The following PIAS2 variants were observed in gnomAD, a reference collection of about 807,000 sequenced individuals.
PIAS2 encodes E3 SUMO-protein ligase PIAS2.
PIAS2 carries 19 observed loss-of-function variants against 69.7 expected under a neutral mutation model. The observed-to-expected ratio is 0.27, with a 90% CI of 0.19 to 0.40. The LOEUF (loss-of-function observed/expected upper bound fraction) is 0.40, where lower values mean the gene tolerates loss of function less well. Among genes scored for constraint, PIAS2 ranks in the 10% least tolerant of loss-of-function variants. The pLI is 1.00. For synonymous variants in PIAS2, 261 were observed against 263.2 expected, an observed-to-expected ratio of 0.99 and a Z score of 0.08; for missense variants, 624 against 757.0, an observed-to-expected ratio of 0.82 and a Z score of 2.06.
chr18:46,825,165 C>T (rs1385436036), intron 11 of PIAS2, among the ~76,000 whole-genome samples: 1 of 151,994 alleles, frequency 6.6e-6, no homozygotes, highest in African/African-American at 2.4e-5. Context: ...ACCATAAAAA[C>T]TCTAGATGCT....
At position 46,843,458 on chromosome 18, in the gene PIAS2, A is replaced by C. The variant is rs138022745; in HGVS notation, c.1041+596T>G. Among the ~76,000 whole-genome samples, 169 of 152,304 alleles carry C rather than the reference A, an allele frequency of 1.1e-3. 2 individuals are homozygous for C. The highest frequency in any genetic ancestry group is 4.0e-3 in the African/African-American group (165 of 41,568). On this transcript the variant is annotated intron_variant, in intron 8 of 13. Transcript: ENST00000585916. ...AGTAAAACAGCCTAACTGTAAGTGA[A>C]GTCTGCACCATTTTTATGGGAGTTG...
At chr18:46,850,960 C>T (rs2046878066) in intron 5 of PIAS2, among the ~76,000 whole-genome samples, 1 of 152,132 alleles carries the variant, frequency 6.6e-6, no homozygotes, top group African/African-American at 2.4e-5. Flanking sequence ...TTATTATAAG[C>T]ACACTTACAT....
chr18:46,830,436 G>A (rs527919993), intron 9 of PIAS2, among the ~76,000 whole-genome samples: 1 of 151,772 alleles, frequency 6.6e-6, no homozygotes, highest in African/African-American at 2.4e-5. Flanking sequence ...TAAACTGAAT[G>A]AAAATAAAAA....
At chr18:46,848,126 CAT>C (rs1455680022) in intron 5 of PIAS2, among the ~76,000 whole-genome samples, 3 of 152,198 alleles carry the variant, frequency 2.0e-5, no homozygotes, top group Admixed American at 6.5e-5. Flanking sequence ...CATTTTTCCA[CAT>C]GACACTCTCC....
chr18:46,867,683 T>A (rs1379988258), intron 2 of PIAS2, among the ~76,000 whole-genome samples: 5 of 152,228 alleles, frequency 3.3e-5, no homozygotes. Flanking sequence ...CTTCATAATG[T>A]AGATTCTATT....
intron 2 of PIAS2, among the ~76,000 whole-genome samples, chr18:46,885,728 T>G (rs939469291): frequency 6.6e-6 from 1 of 152,120 alleles, no homozygotes; most frequent in Admixed American, 6.6e-5. Flanking sequence ...AAAACATTGT[T>G]TTTAGTTCAA....
rs2045930931 is a variant in PIAS2, at chr18:46,844,741, T to A, written c.960A>T (p.Arg320Ser). 1 of 1,344,762 alleles carries A rather than the reference T, an allele frequency of 7.4e-7. No homozygotes were observed. The highest frequency in any genetic ancestry group is 1.5e-5 in the African/African-American group (1 of 65,690). 83.3% of individuals were successfully genotyped at this position (1,344,762 alleles called of 1,614,324 possible). A position where few individuals can be genotyped will look rare whatever the true frequency, so the allele number is the denominator to read the frequency against. Reference protein sequence around the residue: ...MKGIRNPDHSRALIKEKLTAD... With the variant: ...MKGIRNPDHSSALIKEKLTAD... Reference sequence around the variant, plus strand: ...TTATTAAACATTACTTACTTAGTGCTCTGGAATGATCAGGGTTTCTAATAC... The same window carrying A: ...TTATTAAACATTACTTACTTAGTGCACTGGAATGATCAGGGTTTCTAATAC... The change falls in exon 7 of 14, where the codon AGA becomes AGT. Residue 320 changes from arginine to serine, a missense_variant. Transcript: ENST00000585916.
chr18:46,841,865 T>C (rs920147412), intron 8 of PIAS2, among the ~76,000 whole-genome samples: 8 of 152,182 alleles, frequency 5.3e-5, no homozygotes, highest in African/African-American at 1.9e-4. Flanking sequence ...ATTGGTAATG[T>C]TTGGAAGGAA....
chr18:46,836,231 C>G (rs2044407491), intron 9 of PIAS2, 126 bp downstream of exon 9: 2 of 731,488 alleles, frequency 2.7e-6, no homozygotes, highest in Non-Finnish European at 4.6e-6. Context: ...GGAAAACATA[C>G]AAACATCTGG....
intron 2 of PIAS2, among the ~76,000 whole-genome samples, chr18:46,873,684 G>GC (rs2050717376): frequency 6.6e-6 from 1 of 152,106 alleles, no homozygotes; most frequent in South Asian, 2.1e-4. Context: ...AATAGCAAAG[G>GC]CCAAGACCTT....
chr18:46,875,387 G>T lies in PIAS2; in HGVS notation c.500-11139C>A, dbSNP rs116799177. Among the ~76,000 whole-genome samples, 945 of 152,252 alleles carry T rather than the reference G, an allele frequency of 6.2e-3. 7 individuals are homozygous for T. The highest frequency in any genetic ancestry group is 0.021 in the African/African-American group (888 of 41,542). The stretch of plus-strand genomic sequence containing the variant: ...TTACGTGGTCCCACCCCATCAAATT[G>T]TAAGTCACTGCAATGTAACCCCTTA... On this transcript the variant is annotated intron_variant, in intron 2 of 13. Coordinates refer to ENST00000585916, the MANE Select transcript of PIAS2 (RefSeq NM_004671.5).
rs1347921833 is a variant in PIAS2 at position 46,917,379 on chromosome 18, G to A, written c.-34C>T. The stretch of plus-strand genomic sequence containing the variant: ...ACCCGCGGGCGCCGCCGCCGCTGCC[G>A]CCGCACCCACTCCCGCTGCCGCCAA... On this transcript the variant is annotated 5_prime_UTR_variant, in exon 1 of 14. Transcript: ENST00000585916. 9 of 1,450,150 alleles carry A rather than the reference G, an allele frequency of 6.2e-6. No individual in the cohort carries two copies. Among genetic ancestry groups the A allele is most frequent in the African/African-American group, 1.5e-5 (1 of 67,008 alleles). 89.8% of individuals were successfully genotyped at this position (1,450,150 alleles called of 1,614,324 possible). A position where few individuals can be genotyped will look rare whatever the true frequency, so the allele number is the denominator to read the frequency against.
chr18:46,898,643 T>C (rs2055281773), intron 1 of PIAS2, among the ~76,000 whole-genome samples: 1 of 151,968 alleles, frequency 6.6e-6, no homozygotes, highest in Admixed American at 6.6e-5. Flanking sequence ...AAACATAAAA[T>C]GCAAAAGAAT....
At chr18:46,828,160 A>T in intron 10 of PIAS2, 30 bp from the exon 11 acceptor site, 3 of 1,570,480 alleles carry the variant, frequency 1.9e-6, no homozygotes, top group Non-Finnish European at 1.7e-6. Flanking sequence ...AGGAAAAAAA[A>T]ATTAAAGGTA....
At chr18:46,872,529 T>C (rs748664321) in intron 2 of PIAS2, among the ~76,000 whole-genome samples, 2 of 152,226 alleles carry the variant, frequency 1.3e-5, no homozygotes, top group Admixed American at 6.5e-5. Flanking sequence ...GACCTGCTTA[T>C]ATCTGGTGAA....
In PIAS2 at chr18:46,804,152, G is replaced by A. The variant is rs983382935; in HGVS notation, c.*8281C>T. 4 of 152,058 alleles carry A rather than the reference G, an allele frequency of 2.6e-5. No individual in the cohort carries two copies. The highest frequency in any genetic ancestry group is 9.7e-5 in the African/African-American group (4 of 41,356). The allele number at this position is 152,058 out of a possible 1,614,324, so 9.4% of individuals were successfully genotyped here. ...ATATTTACTGGGCACCTTCTATGTAGCCCATATCATGTTAGGCTCTGGGAT... is the reference window on the plus strand; with the variant it reads ...ATATTTACTGGGCACCTTCTATGTAACCCATATCATGTTAGGCTCTGGGAT... On this transcript the variant is annotated 3_prime_UTR_variant, in exon 14 of 14. Coordinates refer to ENST00000585916, the MANE Select transcript of PIAS2 (RefSeq NM_004671.5).
At chr18:46,858,813 C>T (rs1257577255) in intron 3 of PIAS2, among the ~76,000 whole-genome samples, 2 of 152,002 alleles carry the variant, frequency 1.3e-5, no homozygotes, top group Non-Finnish European at 2.9e-5. Flanking sequence ...TGTGAGAAGG[C>T]AGGATAAGGG....
chr18:46,808,700 T>C lies in PIAS2; in HGVS notation c.*3733A>G, dbSNP rs2144673015. 6.6e-6 allele frequency: 1 copy of C among 152,076 alleles called. No individual in the cohort carries two copies. The highest frequency in any genetic ancestry group is 1.5e-5 in the Non-Finnish European group (1 of 68,016). 9.4% of individuals were successfully genotyped at this position (152,076 alleles called of 1,614,324 possible). A position where few individuals can be genotyped will look rare whatever the true frequency, so the allele number is the denominator to read the frequency against. On this transcript the variant is annotated 3_prime_UTR_variant, in exon 14 of 14. Coordinates refer to ENST00000585916, the MANE Select transcript of PIAS2 (RefSeq NM_004671.5). ...TGCACTGCTCTACATTTTTCTATTA[T>C]GCAAAGAGCTAGAAAATAATGGTAG...
intron 11 of PIAS2, among the ~76,000 whole-genome samples, chr18:46,826,050 G>T (rs1349029317): frequency 6.6e-6 from 1 of 152,110 alleles, no homozygotes; most frequent in Non-Finnish European, 1.5e-5. Context: ...GTCTAGGTTG[G>T]GTGTTAAGGG....
Sources: allele counts gnomAD v4.1 joint callset (sites outside exome capture counted in the v4.1 genomes callset), GRCh38; gene constraint gnomAD v4.1.1; transcripts MANE v1.5; gene names NCBI Gene and HGNC (gene_info 2026-07-23, HGNC 2026-07-21).